TXNRD3: variants seen among roughly 807,000 people sequenced by gnomAD.
TXNRD3 encodes the protein TXNRD3 neighbor gene protein.
In TXNRD3, 68 loss-of-function variants were observed where a neutral mutation model predicts 78.2. The observed-to-expected ratio is 0.87, with a 90% CI of 0.72 to 1.06. TXNRD3 has a LOEUF of 1.06. TXNRD3 is among the 50% of genes least tolerant of loss of function. The pLI is 0.00. For synonymous variants in TXNRD3, 296 were observed against 300.1 expected (o/e 0.99, Z 0.14); for missense variants, 751 against 809.5 (o/e 0.93, Z 0.88).
intron 12 of TXNRD3, among the ~76,000 whole-genome samples, chr3:126,618,153 A>C (rs1202041502): frequency 6.6e-6 from 1 of 152,242 alleles, no homozygotes; most frequent in Non-Finnish European, 1.5e-5. Flanking sequence ...TACTCAAAGC[A>C]ATCTACAGAT....
chr3:126,645,950 T>C (rs1050958519), intron 3 of TXNRD3, among the ~76,000 whole-genome samples, 161 bp downstream of exon 3: 1 of 152,248 alleles, frequency 6.6e-6, no homozygotes, highest in Non-Finnish European at 1.5e-5. Context: ...GAAAAGCTAA[T>C]TTCCCTTAAA....
intron 6 of TXNRD3, among the ~76,000 whole-genome samples, chr3:126,635,953 AC>A (rs1398461403): frequency 1.3e-5 from 2 of 152,146 alleles, no homozygotes; most frequent in South Asian, 2.1e-4. Context: ...ATTTTAAGAG[AC>A]AGAGTCTCAT....
At chr3:126,618,027 ACT>A (rs1406473991) in intron 12 of TXNRD3, among the ~76,000 whole-genome samples, 2 of 152,220 alleles carry the variant, frequency 1.3e-5, no homozygotes, top group Non-Finnish European at 2.9e-5. Context: ...AGGTGAAACC[ACT>A]CTACAATGAA....
chr3:126,621,039 C>T (rs1253744025), intron 12 of TXNRD3, among the ~76,000 whole-genome samples: 1 of 152,174 alleles, frequency 6.6e-6, no homozygotes, highest in African/African-American at 2.4e-5. Flanking sequence ...ACTCATAGTC[C>T]TTAGCACGAG....
intron 6 of TXNRD3, among the ~76,000 whole-genome samples, chr3:126,639,746 T>C (rs1933014520): frequency 6.6e-6 from 1 of 152,064 alleles, no homozygotes; most frequent in Admixed American, 6.5e-5. Context: ...AATTTTTCTA[T>C]TTTTTGTAGA....
intron 7 of TXNRD3, among the ~76,000 whole-genome samples, chr3:126,633,138 G>A (rs149709674): frequency 3.5e-4 from 53 of 152,128 alleles, no homozygotes; most frequent in Admixed American, 2.6e-3. Context: ...TAGATTATAT[G>A]GCAAATGATA....
intron 1 of TXNRD3, among the ~76,000 whole-genome samples, chr3:126,647,617 C>T (rs1933271339): frequency 6.6e-6 from 1 of 152,152 alleles, no homozygotes; most frequent in African/African-American, 2.4e-5. Context: ...ACAGGCAACA[C>T]ACCCACAATG....
At chr3:126,636,792 C>T (rs1938872346) in intron 6 of TXNRD3, among the ~76,000 whole-genome samples, 1 of 152,190 alleles carries the variant, frequency 6.6e-6, no homozygotes, top group Non-Finnish European at 1.5e-5. Flanking sequence ...TTTTCTAAGT[C>T]TAGCTTTTCC....
At position 126,611,035 on chromosome 3, in the gene TXNRD3, A is replaced by T. The variant is rs1470012148; in HGVS notation, c.1728+2T>A. ...ATTTTGGCTTCTAGTGGTATTACATACATGGTCGAATTTATTGCAGATTAT... is the reference window on the plus strand; with the variant it reads ...ATTTTGGCTTCTAGTGGTATTACATTCATGGTCGAATTTATTGCAGATTAT... On this transcript the variant is annotated splice_donor_variant, in intron 14 of 15. Coordinates refer to ENST00000524230, the MANE Select transcript of TXNRD3 (RefSeq NM_052883.3). LOFTEE classifies it high-confidence loss of function. 1.3e-6 allele frequency: 2 copies of T among 1,495,386 alleles called. No individual in the cohort carries two copies. Among genetic ancestry groups the T allele is most frequent in the African/African-American group, 2.8e-5 (2 of 71,634 alleles). The allele number at this position is 1,495,386 out of a possible 1,614,324, so 92.6% of individuals were successfully genotyped here.
chr3:126,611,977 ATTGAT>A (rs1319143471), intron 13 of TXNRD3, among the ~76,000 whole-genome samples: 4 of 152,148 alleles, frequency 2.6e-5, no homozygotes, highest in Non-Finnish European at 5.9e-5. Context: ...CAAAAACAAA[ATTGAT>A]TTAACTTGTT....
chr3:126,613,708 G>A (rs1323598804), intron 13 of TXNRD3, among the ~76,000 whole-genome samples: 1 of 152,220 alleles, frequency 6.6e-6, no homozygotes, highest in African/African-American at 2.4e-5. Context: ...ATTACTCACT[G>A]TTTGTGGTGA....
rs1433214046 is a variant in TXNRD3 at position 126,607,517 on chromosome 3, T to G, written c.*388A>C. 1.9e-5 allele frequency: 3 copies of G among 158,540 alleles called. No homozygotes were observed. Among genetic ancestry groups the G allele is most frequent in the Non-Finnish European group, 4.1e-5 (3 of 72,354 alleles). The allele number at this position is 158,540 out of a possible 1,614,324, so 9.8% of individuals were successfully genotyped here. ...ATAGCATTTCTTAACTGAAAATATATTTTCACAGAAACAACAAAGCAAAGG... is the reference window on the plus strand; with the variant it reads ...ATAGCATTTCTTAACTGAAAATATAGTTTCACAGAAACAACAAAGCAAAGG... On this transcript the variant is annotated 3_prime_UTR_variant, in exon 16 of 16. Transcript: ENST00000524230.
At chr3:126,646,637 C>G (rs1479064031) in intron 2 of TXNRD3, among the ~76,000 whole-genome samples, 1 of 152,206 alleles carries the variant, frequency 6.6e-6, no homozygotes, top group Non-Finnish European at 1.5e-5. Context: ...TGGTCCATCA[C>G]TACTTAAGAC....
intron 5 of TXNRD3, 54 bp downstream of exon 5, chr3:126,643,927 A>C: frequency 1.1e-5 from 16 of 1,453,998 alleles, no homozygotes; most frequent in Non-Finnish European, 1.4e-5. Context: ...AGATTACATA[A>C]AGCAAACAAC....
intron 1 of TXNRD3, among the ~76,000 whole-genome samples, chr3:126,654,088 G>T (rs2107632420): frequency 6.6e-6 from 1 of 151,536 alleles, no homozygotes; most frequent in South Asian, 2.1e-4. Context: ...GACAGCCAAG[G>T]AAGCTTCTAC....
chr3:126,607,057 T>C lies in TXNRD3; in HGVS notation c.*848A>G, dbSNP rs1938059596. The C allele has an allele frequency of 6.6e-6, 1 of 152,240 alleles. No homozygotes were observed. Among genetic ancestry groups the C allele is most frequent in the East Asian group, 1.9e-4 (1 of 5,206 alleles). 9.4% of individuals were successfully genotyped at this position (152,240 alleles called of 1,614,324 possible). ...CCATGCAACCACTTAATATTACCTGTATTCATTTATGGAACTTTATCATCA... is the reference window on the plus strand; with the variant it reads ...CCATGCAACCACTTAATATTACCTGCATTCATTTATGGAACTTTATCATCA... On this transcript the variant is annotated 3_prime_UTR_variant, in exon 16 of 16. Transcript: ENST00000524230.
intron 6 of TXNRD3, among the ~76,000 whole-genome samples, chr3:126,634,943 A>G (rs1938818753): frequency 6.6e-6 from 1 of 152,206 alleles, no homozygotes; most frequent in Non-Finnish European, 1.5e-5. Context: ...TGCACAGAGA[A>G]GCTTAGCCAA....
chr3:126,654,114 T>C (rs1933452906), intron 1 of TXNRD3, among the ~76,000 whole-genome samples: 1 of 152,162 alleles, frequency 6.6e-6, no homozygotes, highest in African/African-American at 2.4e-5. Flanking sequence ...TAGTGTCACT[T>C]TATTATTCTT....
At chr3:126,644,494 T>A in intron 3 of TXNRD3, 93 bp from the exon 4 acceptor site, 1 of 844,884 alleles carries the variant, frequency 1.2e-6, no homozygotes, top group Non-Finnish European at 1.8e-6. Flanking sequence ...TGGATTTCTT[T>A]TATAAAAATC....
Sources: gnomAD v4.1 joint callset for allele counts (sites outside exome capture counted in the v4.1 genomes callset) on GRCh38, gnomAD v4.1.1 for gene constraint, MANE v1.5 for transcripts, NCBI Gene and HGNC (gene_info 2026-07-23, HGNC 2026-07-21) for gene names.